Variants in CCSER1 observed in about 807,000 individuals in gnomAD.
CCSER1 encodes coiled-coil serine rich protein 1.
In CCSER1, 41 loss-of-function variants were observed where a neutral mutation model predicts 82.0. The observed-to-expected ratio is 0.50, with a 90% confidence interval of 0.39 to 0.65. The LOEUF is 0.65. CCSER1 is among the 30% of genes least tolerant of loss of function. The pLI, the probability that CCSER1 is intolerant of heterozygous loss-of-function variation, is 0.00. For missense variants in CCSER1, 1,119 were observed against 1,064.2 expected (o/e 1.05, Z -0.72); for synonymous variants, 414 against 383.9 (o/e 1.08, Z -0.92).
At chr4:91,022,809 T>C (rs1740122123) in intron 9 of CCSER1, among the ~76,000 whole-genome samples, 1 of 152,234 alleles carries the variant, frequency 6.6e-6, no homozygotes, top group Non-Finnish European at 1.5e-5. Flanking sequence ...AAATGTCTTC[T>C]TTTAAGAAGT....
chr4:91,579,920 T>G (rs1763649664), intron 10 of CCSER1, among the ~76,000 whole-genome samples: 1 of 151,874 alleles, frequency 6.6e-6, no homozygotes, highest in Admixed American at 6.6e-5. Flanking sequence ...GTCCTCATTT[T>G]AATGAAGGAA....
intron 10 of CCSER1, among the ~76,000 whole-genome samples, chr4:91,464,160 C>T (rs1395771065): frequency 1.3e-5 from 2 of 152,232 alleles, no homozygotes; most frequent in East Asian, 3.9e-4. Context: ...GATCTCTCAG[C>T]AGAAACTCTA....
intron 3 of CCSER1, among the ~76,000 whole-genome samples, chr4:90,387,308 C>CT (rs997493884): frequency 1.3e-5 from 2 of 151,928 alleles, no homozygotes; most frequent in Admixed American, 6.6e-5. Context: ...AAAATGGCAC[C>CT]TTTTTTTAAC....
intron 10 of CCSER1, among the ~76,000 whole-genome samples, chr4:91,351,548 T>A (rs540766642): frequency 6.6e-6 from 1 of 152,182 alleles, no homozygotes; most frequent in East Asian, 1.9e-4. Flanking sequence ...ATAAAATAAA[T>A]TTTACAGTAT....
At chr4:90,846,972 A>T (rs1763300547) in intron 8 of CCSER1, among the ~76,000 whole-genome samples, 1 of 152,110 alleles carries the variant, frequency 6.6e-6, no homozygotes, top group African/African-American at 2.4e-5. Context: ...TATGTTTATT[A>T]TGTGTTAGTC....
At chr4:91,389,950 C>G (rs187351837) in intron 10 of CCSER1, among the ~76,000 whole-genome samples, 3 of 151,920 alleles carry the variant, frequency 2.0e-5, no homozygotes, top group Non-Finnish European at 2.9e-5. Context: ...ATCACTAGTT[C>G]CAGAAATTTT....
At chr4:90,884,297 G>A (rs940451330) in intron 8 of CCSER1, among the ~76,000 whole-genome samples, 4 of 152,258 alleles carry the variant, frequency 2.6e-5, no homozygotes, top group South Asian at 2.1e-4. Flanking sequence ...AATAAAGCAA[G>A]TTGTAATGAA....
intron 8 of CCSER1, among the ~76,000 whole-genome samples, chr4:90,856,737 A>G (rs1270775529): frequency 1.3e-5 from 2 of 152,154 alleles, no homozygotes; most frequent in Admixed American, 1.3e-4. Flanking sequence ...TGTCTATAAA[A>G]TAGAAATAAC....
At chr4:91,096,840 C>A (rs528350810) in intron 10 of CCSER1, among the ~76,000 whole-genome samples, 1 of 152,284 alleles carries the variant, frequency 6.6e-6, no homozygotes, top group South Asian at 2.1e-4. Flanking sequence ...ACACCTTTAT[C>A]GTTTATACCA....
chr4:90,529,335 C>T (rs1774197910), intron 5 of CCSER1, among the ~76,000 whole-genome samples: 1 of 152,060 alleles, frequency 6.6e-6, no homozygotes, highest in South Asian at 2.1e-4. Context: ...ATTCCACAAC[C>T]TCTCATGCCT....
At chr4:91,592,412 AC>A (rs769914623) in intron 10 of CCSER1, among the ~76,000 whole-genome samples, 2 of 152,144 alleles carry the variant, frequency 1.3e-5, no homozygotes, top group Non-Finnish European at 2.9e-5. Flanking sequence ...AAACCATATC[AC>A]CTGGGTACTG....
rs150667570 is a variant in CCSER1, at chr4:91,071,520, A to T, written c.2173-14430A>T. On this transcript the variant is annotated intron_variant, in intron 9 of 10. Coordinates refer to ENST00000509176, the MANE Select transcript of CCSER1 (RefSeq NM_001145065.2). ...GCTTGGCATGTTAAGAACTATCAAG[A>T]GAGTCATAATGTTGCAATGGATTGA... is the stretch of plus-strand genomic sequence containing the variant. Among the ~76,000 whole-genome samples, 97 of 152,264 alleles carry T rather than the reference A, an allele frequency of 6.4e-4. 1 individual carries two copies. In the East Asian group the frequency reaches 0.017, roughly 27 times the overall value.
chr4:91,407,423 G>T (rs1247183016), intron 10 of CCSER1, among the ~76,000 whole-genome samples: 1 of 152,156 alleles, frequency 6.6e-6, no homozygotes, highest in African/African-American at 2.4e-5. Flanking sequence ...GTTCCTAAGA[G>T]TTCAAGGACT....
chr4:90,782,354 C>T lies in CCSER1; in HGVS notation c.2011-33408C>T, dbSNP rs191753110. On this transcript the variant is annotated intron_variant, in intron 7 of 10. Transcript: ENST00000509176. The stretch of plus-strand genomic sequence containing the variant: ...ATTCATTCAATTAATATTTATTGAA[C>T]TCCTTCTCTGTGAAAATTATTGGAC... 2.6e-5 allele frequency among the ~76,000 whole-genome samples: 4 copies of T among 152,278 alleles called. No homozygotes were observed. In the East Asian group the frequency reaches 7.7e-4, roughly 29 times the overall value.
chr4:90,823,490 A>G (rs572377253), intron 8 of CCSER1, among the ~76,000 whole-genome samples: 20 of 152,270 alleles, frequency 1.3e-4, no homozygotes, highest in African/African-American at 4.6e-4. Context: ...TTATTAATGT[A>G]TTCAAATATA....
intron 6 of CCSER1, among the ~76,000 whole-genome samples, chr4:90,653,887 A>T (rs1399504836): frequency 6.6e-6 from 1 of 152,184 alleles, no homozygotes; most frequent in South Asian, 2.1e-4. Context: ...ACTCAGTTCC[A>T]CAGACTTAAC....
At chr4:90,656,453 A>G (rs946152334) in intron 6 of CCSER1, among the ~76,000 whole-genome samples, 11 of 151,764 alleles carry the variant, frequency 7.2e-5, no homozygotes, top group African/African-American at 2.7e-4. Context: ...ATAGTCTAAT[A>G]TTAGTATTGC....
At chr4:91,198,990 A>G (rs1212926445) in intron 10 of CCSER1, among the ~76,000 whole-genome samples, 1 of 152,130 alleles carries the variant, frequency 6.6e-6, no homozygotes, top group African/African-American at 2.4e-5. Flanking sequence ...CCCTCCGAAG[A>G]GCAAGACGGC....
At chr4:90,822,616 C>T (rs56712335) in intron 8 of CCSER1, among the ~76,000 whole-genome samples, 65,033 of 151,004 alleles carry the variant, frequency 0.43, 14,136 homozygotes, top group Non-Finnish European at 0.46. Context: ...TAATCCCAGC[C>T]ACTCCCGAGG....
Sources: gnomAD v4.1 joint callset for allele counts (sites outside exome capture counted in the v4.1 genomes callset) on GRCh38, gnomAD v4.1.1 for gene constraint, MANE v1.5 for transcripts, NCBI Gene and HGNC (gene_info 2026-07-23, HGNC 2026-07-21) for gene names.